Variants in STT3B observed in about 807,000 individuals in gnomAD.
STT3B encodes the protein STT3 oligosaccharyltransferase complex catalytic subunit B.
A neutral mutation model predicts 96.8 loss-of-function variants in STT3B; 29 were observed. That is an observed-to-expected ratio of 0.30 (90% CI 0.22 to 0.41). The LOEUF is 0.41. STT3B is among the 10% of genes least tolerant of loss of function. The probability of loss-of-function intolerance (pLI) is 1.00; values close to 1 mark genes in which losing one functional copy is unlikely to be tolerated. For missense variants in STT3B, 640 were observed against 1,022.3 expected (o/e 0.63, Z 5.10); for synonymous variants, 367 against 360.0 (o/e 1.02, Z -0.22).
At chr3:31,581,185 A>G (rs548283940) in intron 3 of STT3B, among the ~76,000 whole-genome samples, 2 of 152,212 alleles carry the variant, frequency 1.3e-5, no homozygotes, top group East Asian at 3.9e-4. Context: ...TAAAAATGTG[A>G]TAGATAAGCT....
At chr3:31,595,163 C>T (rs562675833) in intron 3 of STT3B, among the ~76,000 whole-genome samples, 5 of 152,298 alleles carry the variant, frequency 3.3e-5, no homozygotes, top group East Asian at 1.9e-4. Context: ...AGGTATGGGG[C>T]AGAACCCTCT....
chr3:31,560,772 T>C (rs941512999), intron 1 of STT3B, among the ~76,000 whole-genome samples: 5 of 152,148 alleles, frequency 3.3e-5, no homozygotes, highest in African/African-American at 1.2e-4. Context: ...TTCTGAGCCT[T>C]GTGTCTCTGG....
In STT3B at chr3:31,532,957, G is replaced by C. The variant is rs558348439; in HGVS notation, c.-42G>C. The C allele has an allele frequency of 1.7e-5, 27 of 1,553,868 alleles. No individual in the cohort carries two copies. In the African/African-American group the frequency reaches 3.6e-4, roughly 20 times the overall value. On this transcript the variant is annotated 5_prime_UTR_variant, in exon 1 of 16. Transcript: ENST00000295770. The stretch of plus-strand genomic sequence containing the variant: ...CCCAGCACCCCTCGCACCAGGCGGC[G>C]GCGGCGGAGGAGGAGAGCTAGACCC...
intron 1 of STT3B, among the ~76,000 whole-genome samples, chr3:31,575,194 C>T (rs1464413983): frequency 6.6e-6 from 1 of 152,048 alleles, no homozygotes; most frequent in Non-Finnish European, 1.5e-5. Flanking sequence ...AAGTAACTTG[C>T]CCAACCAAGG....
intron 5 of STT3B, among the ~76,000 whole-genome samples, chr3:31,613,119 T>C (rs957123783): frequency 2.0e-5 from 3 of 152,112 alleles, no homozygotes; most frequent in African/African-American, 7.2e-5. Context: ...ATGAAAATTC[T>C]TTAGGACTAT....
intron 13 of STT3B, 49 bp from the exon 14 acceptor site, chr3:31,629,249 G>C (rs756703403): frequency 1.1e-5 from 11 of 1,017,832 alleles, no homozygotes; most frequent in Non-Finnish European, 1.7e-5. Flanking sequence ...CTGTAGCTTT[G>C]AATATGTTAA....
At chr3:31,557,655 C>T (rs766634837) in intron 1 of STT3B, among the ~76,000 whole-genome samples, 44 of 151,808 alleles carry the variant, frequency 2.9e-4, no homozygotes, top group Non-Finnish European at 4.3e-4. Context: ...TTTTTTGAGA[C>T]GGAGTCTTGC....
intron 1 of STT3B, among the ~76,000 whole-genome samples, chr3:31,547,654 G>A (rs993564046): frequency 6.6e-6 from 1 of 152,158 alleles, no homozygotes; most frequent in Non-Finnish European, 1.5e-5. Flanking sequence ...TCAGAAGAAC[G>A]CTGTAGGCAC....
At chr3:31,577,740 C>T (rs138279730) in intron 2 of STT3B, among the ~76,000 whole-genome samples, 15 of 152,164 alleles carry the variant, frequency 9.9e-5, no homozygotes, top group East Asian at 1.9e-4. Context: ...GCACAATAGT[C>T]GTTATCATGT....
At position 31,623,906 on chromosome 3, in the gene STT3B, CT is replaced by C. The variant is rs554579035; in HGVS notation, c.1727+50del. 79 of 1,419,196 alleles carry C rather than the reference CT, an allele frequency of 5.6e-5. No homozygotes were observed. In the African/African-American group the frequency reaches 1.0e-3, roughly 18 times the overall value. The allele number at this position is 1,419,196 out of a possible 1,614,324, so 87.9% of individuals were successfully genotyped here. On this transcript the variant is annotated intron_variant, in intron 11 of 15. Transcript: ENST00000295770. The stretch of plus-strand genomic sequence containing the variant: ...ACAAAAACATTTTATACTTACACTT[CT>C]TTTTCGTTGTCTCAAAGGATATAAT...
At chr3:31,572,015 C>CATATTAATATATATTAATACATGAT (rs1698156564) in intron 1 of STT3B, among the ~76,000 whole-genome samples, 4 of 131,954 alleles carry the variant, frequency 3.0e-5, no homozygotes, top group Non-Finnish European at 6.2e-5. Context: ...TTTTATTAAA[C>CATATTAATATATATTAATACATGAT]ATATTAATAT....
chr3:31,588,982 A>G (rs1423097424), intron 3 of STT3B, among the ~76,000 whole-genome samples: 1 of 152,002 alleles, frequency 6.6e-6, no homozygotes, highest in Non-Finnish European at 1.5e-5. Context: ...TTCCATATAA[A>G]CATTCAAATT....
chr3:31,580,158 A>G (rs755132105), intron 3 of STT3B, 62 bp downstream of exon 3: 2 of 1,517,248 alleles, frequency 1.3e-6, no homozygotes, highest in Non-Finnish European at 1.8e-6. Flanking sequence ...GAAACACTTT[A>G]GGCTGTACGC....
At chr3:31,561,474 A>T (rs1222164165) in intron 1 of STT3B, among the ~76,000 whole-genome samples, 1 of 152,084 alleles carries the variant, frequency 6.6e-6, no homozygotes, top group Non-Finnish European at 1.5e-5. Context: ...GTTATTATTG[A>T]CCATAGTCAC....
intron 1 of STT3B, among the ~76,000 whole-genome samples, chr3:31,548,938 A>G (rs1398866267): frequency 2.0e-5 from 3 of 152,230 alleles, no homozygotes; most frequent in African/African-American, 7.2e-5. Context: ...CTGATATGCA[A>G]TACACATTAC....
chr3:31,592,126 C>T (rs187285584), intron 3 of STT3B, among the ~76,000 whole-genome samples: 22 of 152,294 alleles, frequency 1.4e-4, no homozygotes, highest in African/African-American at 4.6e-4. Flanking sequence ...CTCCTTTCCA[C>T]CTTCCCCTCC....
intron 1 of STT3B, among the ~76,000 whole-genome samples, chr3:31,572,098 TTAAA>T (rs1469074361): frequency 6.1e-5 from 8 of 131,512 alleles, no homozygotes; most frequent in African/African-American, 2.2e-4. Context: ...TATTAAGATA[TTAAA>T]TATATATATT....
At chr3:31,547,213 T>G (rs997861604) in intron 1 of STT3B, among the ~76,000 whole-genome samples, 1 of 152,180 alleles carries the variant, frequency 6.6e-6, no homozygotes, top group Non-Finnish European at 1.5e-5. Context: ...TTCCTCAATT[T>G]TTTTTCCCTA....
intron 6 of STT3B, among the ~76,000 whole-genome samples, chr3:31,615,494 T>G (rs1477937054): frequency 1.3e-5 from 2 of 151,944 alleles, no homozygotes; most frequent in African/African-American, 2.4e-5. Context: ...TAGAGTTTAT[T>G]ATCAGATTCT....
Sources: gnomAD v4.1 joint callset for allele counts (sites outside exome capture counted in the v4.1 genomes callset) on GRCh38, gnomAD v4.1.1 for gene constraint, MANE v1.5 for transcripts, NCBI Gene and HGNC (gene_info 2026-07-23, HGNC 2026-07-21) for gene names.